Variants in CNTN4 observed in about 807,000 individuals in gnomAD.
The protein encoded by CNTN4 is contactin-4.
A neutral mutation model predicts 122.5 loss-of-function variants in CNTN4; 77 were observed. The observed-to-expected ratio is 0.63, with a 90% confidence interval of 0.52 to 0.76. The LOEUF (loss-of-function observed/expected upper bound fraction) is 0.76, where lower values mean the gene tolerates loss of function less well. Among genes scored for constraint, CNTN4 ranks in the 30% least tolerant of loss-of-function variants. The pLI is 0.00. For missense variants in CNTN4, 1,256 were observed against 1,259.1 expected (o/e 1.00, Z 0.04); for synonymous variants, 512 against 447.0 (o/e 1.15, Z -1.83).
intron 3 of CNTN4, among the ~76,000 whole-genome samples, chr3:2,512,051 AAG>A (rs1316845637): frequency 6.6e-6 from 1 of 152,166 alleles, no homozygotes; most frequent in Non-Finnish European, 1.5e-5. Flanking sequence ...TATATATATA[AAG>A]AGATAATCTT....
At chr3:2,929,430 A>G (rs2094500626) in intron 13 of CNTN4, among the ~76,000 whole-genome samples, 1 of 152,258 alleles carries the variant, frequency 6.6e-6, no homozygotes, top group Non-Finnish European at 1.5e-5. Context: ...CTAGAATCCT[A>G]GGATTATAAG....
At chr3:2,384,047 T>C (rs1168574134) in intron 3 of CNTN4, among the ~76,000 whole-genome samples, 2 of 152,156 alleles carry the variant, frequency 1.3e-5, no homozygotes, top group Non-Finnish European at 2.9e-5. Flanking sequence ...AAAATTATAT[T>C]CTCTGAAGTT....
intron 13 of CNTN4, among the ~76,000 whole-genome samples, chr3:2,962,514 T>G (rs2094871912): frequency 2.0e-5 from 3 of 152,256 alleles, no homozygotes; most frequent in African/African-American, 7.2e-5. Flanking sequence ...GAAGCAGTTT[T>G]GAAACTAAAT....
chr3:2,970,197 C>T lies in CNTN4; in HGVS notation c.1359-18148C>T, dbSNP rs559693302. Among the ~76,000 whole-genome samples the T allele has an allele frequency of 2.0e-5, 3 of 152,116 alleles. No homozygotes were observed. The South Asian group carries it at 6.2e-4, about 32-fold the overall frequency. ...TTAACCTCTAACTCCTGGGCTCAAG[C>T]AATCCTCTAGCCTCACCTTCCCAAG... On this transcript the variant is annotated intron_variant, in intron 13 of 24. Transcript: ENST00000418658.
At chr3:2,191,703 T>TACACACACAC (rs71634777) in intron 2 of CNTN4, among the ~76,000 whole-genome samples, 1,648 of 141,906 alleles carry the variant, frequency 0.012, 18 homozygotes, top group South Asian at 0.048. Context: ...TGTATATATA[T>TACACACACAC]ATATATACAC....
rs2047289936 is a variant in CNTN4, at chr3:2,413,164, C to G, written c.-89+73931C>G. 1.3e-5 allele frequency among the ~76,000 whole-genome samples: 2 copies of G among 152,180 alleles called. 1 individual carries two copies. The highest frequency in any genetic ancestry group is 4.1e-4 in the South Asian group (2 of 4,838). ...CTAACCAAAATTGTCAGAGGGCTAA[C>G]TCTTCTCACTCATTTTGGCTCTTGT... On this transcript the variant is annotated intron_variant, in intron 3 of 24. Coordinates refer to ENST00000418658, the MANE Select transcript of CNTN4 (RefSeq NM_175607.3).
At chr3:2,146,981 A>C (rs961570583) in intron 2 of CNTN4, among the ~76,000 whole-genome samples, 5 of 152,052 alleles carry the variant, frequency 3.3e-5, no homozygotes, top group Non-Finnish European at 7.4e-5. Flanking sequence ...CCTGGGTTCA[A>C]GCGATTCTCC....
At chr3:2,477,233 C>A (rs967986237) in intron 3 of CNTN4, among the ~76,000 whole-genome samples, 2 of 152,242 alleles carry the variant, frequency 1.3e-5, no homozygotes, top group Admixed American at 1.3e-4. Context: ...TGGCAGAAAA[C>A]CTGGGACAGG....
chr3:2,325,002 C>T (rs1265212883), intron 2 of CNTN4, among the ~76,000 whole-genome samples: 1 of 152,184 alleles, frequency 6.6e-6, no homozygotes, highest in Non-Finnish European at 1.5e-5. Context: ...TGTACATTCT[C>T]TTATAGTAGT....
At chr3:2,392,994 C>G (rs1047546472) in intron 3 of CNTN4, among the ~76,000 whole-genome samples, 3 of 152,156 alleles carry the variant, frequency 2.0e-5, no homozygotes, top group African/African-American at 7.2e-5. Context: ...GTGGCTTAAA[C>G]AACAGAAATT....
chr3:2,190,587 C>A (rs1468561646), intron 2 of CNTN4, among the ~76,000 whole-genome samples: 1 of 151,790 alleles, frequency 6.6e-6, no homozygotes, highest in Non-Finnish European at 1.5e-5. Context: ...AGTTCCAGGC[C>A]AGCATCTCAG....
chr3:2,677,441 CATAGATATAGAGATCTATGT>C (rs2084924926), intron 4 of CNTN4, among the ~76,000 whole-genome samples: 4 of 150,204 alleles, frequency 2.7e-5, no homozygotes, highest in Non-Finnish European at 3.0e-5. Flanking sequence ...TGTATCTATA[CATAGATATAGAGATCTATGT>C]ATCTATCCAT....
chr3:2,326,574 A>C (rs1247424629), intron 2 of CNTN4, among the ~76,000 whole-genome samples: 2 of 152,106 alleles, frequency 1.3e-5, no homozygotes, highest in African/African-American at 4.8e-5. Flanking sequence ...ACAGGAGATT[A>C]CACAAACTGT....
chr3:2,202,602 A>G (rs2038149901), intron 2 of CNTN4, among the ~76,000 whole-genome samples: 1 of 152,128 alleles, frequency 6.6e-6, no homozygotes, highest in African/African-American at 2.4e-5. Context: ...CTGATAATTC[A>G]TTCCCTTCAC....
At chr3:2,625,001 T>C (rs1405907540) in intron 4 of CNTN4, among the ~76,000 whole-genome samples, 1 of 152,176 alleles carries the variant, frequency 6.6e-6, no homozygotes, top group Non-Finnish European at 1.5e-5. Flanking sequence ...TTTATCTCCC[T>C]AAGCCTCAGT....
chr3:3,038,892 T>A (rs369614666), intron 18 of CNTN4, 41 bp from the exon 19 acceptor site: 22 of 1,590,156 alleles, frequency 1.4e-5, no homozygotes, highest in Non-Finnish European at 1.9e-5. Flanking sequence ...CTCATTCGCC[T>A]TTGCCGCCTG....
intron 4 of CNTN4, among the ~76,000 whole-genome samples, chr3:2,596,283 A>T (rs1165392205): frequency 6.6e-6 from 1 of 152,196 alleles, no homozygotes; most frequent in Non-Finnish European, 1.5e-5. Context: ...ACAAACATTG[A>T]TTTACACACA....
chr3:2,231,161 C>A (rs2039471074), intron 2 of CNTN4, among the ~76,000 whole-genome samples: 1 of 152,046 alleles, frequency 6.6e-6, no homozygotes, highest in Admixed American at 6.6e-5. Context: ...AATATTAAAA[C>A]AATTACCAAT....
At chr3:2,849,263 G>A (rs1468163704) in intron 7 of CNTN4, among the ~76,000 whole-genome samples, 2 of 152,216 alleles carry the variant, frequency 1.3e-5, no homozygotes, top group Non-Finnish European at 2.9e-5. Flanking sequence ...TGTTGAATGA[G>A]TAATTTAAAA....
Sources: gnomAD v4.1 joint callset for allele counts (sites outside exome capture counted in the v4.1 genomes callset) on GRCh38, gnomAD v4.1.1 for gene constraint, MANE v1.5 for transcripts, NCBI Gene and HGNC (gene_info 2026-07-23, HGNC 2026-07-21) for gene names.